The following ROR1 variants were observed in gnomAD, a reference collection of about 807,000 sequenced individuals.
ROR1 encodes the protein ROR family WNT receptor 1.
In ROR1, 19 loss-of-function variants were observed where a neutral mutation model predicts 78.8. The observed-to-expected ratio is 0.24, with a 90% CI of 0.17 to 0.35. The LOEUF is 0.35. Among genes scored for constraint, ROR1 ranks in the 10% least tolerant of loss-of-function variants. ROR1 has a pLI of 1.00. For missense variants in ROR1, 917 were observed against 1,177.8 expected (o/e 0.78, Z 3.24); for synonymous variants, 386 against 433.6 (o/e 0.89, Z 1.36).
intron 4 of ROR1, chr1:64,112,246 T>A (rs1438021288): frequency 6.6e-6 from 1 of 152,192 alleles, no homozygotes; most frequent in African/African-American, 2.4e-5. Context: ...CCATTGTGGG[T>A]GAGTGCTATT....
intron 1 of ROR1, among the ~76,000 whole-genome samples, chr1:63,965,454 C>G (rs1569986097): frequency 6.6e-6 from 1 of 152,254 alleles, no homozygotes; most frequent in African/African-American, 2.4e-5. Context: ...TCTCCCCAGA[C>G]ATTACATTTG....
At chr1:63,898,101 C>A (rs925268159) in intron 1 of ROR1, among the ~76,000 whole-genome samples, 2 of 152,138 alleles carry the variant, frequency 1.3e-5, no homozygotes, top group African/African-American at 4.8e-5. Context: ...TGGTCTCATC[C>A]CAGCAATAAT....
intron 2 of ROR1, among the ~76,000 whole-genome samples, chr1:64,034,922 C>A (rs1646689816): frequency 1.5e-5 from 2 of 132,556 alleles, no homozygotes; most frequent in Non-Finnish European, 3.2e-5. Context: ...AGGTAGATAC[C>A]TACCTTTCCA....
chr1:64,179,026 A>AT lies in ROR1; in HGVS notation c.*171_*172insT. On this transcript the variant is annotated 3_prime_UTR_variant, in exon 9 of 9. Transcript: ENST00000371079. ...CAAGCAGGACAGACACTCGGCCAGA[A>AT]AAAAAAAAAAAAAAAAAAAACAAGC... 1.3e-5 allele frequency: 1 copy of AT among 74,684 alleles called. No individual in the cohort carries two copies. The highest frequency in any genetic ancestry group is 2.1e-5 in the Non-Finnish European group (1 of 47,326). The allele number at this position is 74,684 out of a possible 1,614,324, so 4.6% of individuals were successfully genotyped here.
chr1:64,104,012 C>T (rs186365942), intron 4 of ROR1, among the ~76,000 whole-genome samples: 3 of 152,218 alleles, frequency 2.0e-5, no homozygotes, highest in East Asian at 1.9e-4. Flanking sequence ...TGCTAAATAT[C>T]GTACAGTGCA....
intron 1 of ROR1, among the ~76,000 whole-genome samples, chr1:63,858,632 T>C (rs1645162222): frequency 6.6e-6 from 1 of 152,210 alleles, no homozygotes; most frequent in South Asian, 2.1e-4. Context: ...TTAAATCTGA[T>C]GATAGTGTTG....
At chr1:64,142,307 A>G in intron 6 of ROR1, 98 bp from the exon 7 acceptor site, 2 of 1,524,792 alleles carry the variant, frequency 1.3e-6, no homozygotes, top group South Asian at 1.3e-5. Context: ...CCACGAGGTT[A>G]ATTACCTGCC....
At chr1:63,781,702 A>C (rs1480719612) in intron 1 of ROR1, among the ~76,000 whole-genome samples, 1 of 152,246 alleles carries the variant, frequency 6.6e-6, no homozygotes, top group East Asian at 1.9e-4. Context: ...GAACACACTC[A>C]GACTGTGCAT....
chr1:64,102,383 G>A (rs1344712694), intron 4 of ROR1, among the ~76,000 whole-genome samples: 1 of 152,162 alleles, frequency 6.6e-6, no homozygotes, highest in African/African-American at 2.4e-5. Flanking sequence ...TGTAGACAGT[G>A]GAAGGGTGAG....
intron 1 of ROR1, among the ~76,000 whole-genome samples, chr1:63,991,795 G>A (rs1646298108): frequency 6.6e-6 from 1 of 152,166 alleles, no homozygotes; most frequent in South Asian, 2.1e-4. Context: ...CAACAAAGAA[G>A]GTAGCTATTA....
At chr1:63,870,026 C>T (rs1411576519) in intron 1 of ROR1, among the ~76,000 whole-genome samples, 4 of 152,174 alleles carry the variant, frequency 2.6e-5, no homozygotes, top group Admixed American at 2.6e-4. Context: ...AATATTACAA[C>T]AGAAACTGAA....
chr1:64,020,598 T>C (rs777662170), intron 2 of ROR1, among the ~76,000 whole-genome samples: 1 of 152,144 alleles, frequency 6.6e-6, no homozygotes, highest in Non-Finnish European at 1.5e-5. Context: ...TAGGATCAGA[T>C]CCATCCTAGG....
chr1:63,988,230 G>A (rs1202285315), intron 1 of ROR1, among the ~76,000 whole-genome samples: 1 of 152,176 alleles, frequency 6.6e-6, no homozygotes, highest in Non-Finnish European at 1.5e-5. Flanking sequence ...AGGCTGGGAA[G>A]CTCCAGGATA....
At chr1:63,815,120 T>G (rs1644882782) in intron 1 of ROR1, among the ~76,000 whole-genome samples, 1 of 152,174 alleles carries the variant, frequency 6.6e-6, no homozygotes, top group African/African-American at 2.4e-5. Context: ...GCACTATGAT[T>G]TGTGGTTGGT....
At chr1:63,866,608 C>A (rs1306008130) in intron 1 of ROR1, among the ~76,000 whole-genome samples, 1 of 150,604 alleles carries the variant, frequency 6.6e-6, no homozygotes, top group Non-Finnish European at 1.5e-5. Flanking sequence ...GGGACCTAGC[C>A]TTTTTTTTTG....
chr1:63,852,594 A>G (rs888214460), intron 1 of ROR1, among the ~76,000 whole-genome samples: 1 of 152,248 alleles, frequency 6.6e-6, no homozygotes. Flanking sequence ...GTCTTATATG[A>G]TACAAATTAA....
At chr1:64,059,619 G>A (rs920016565) in intron 4 of ROR1, among the ~76,000 whole-genome samples, 1 of 149,386 alleles carries the variant, frequency 6.7e-6, no homozygotes, top group Admixed American at 6.8e-5. Context: ...TGAGGCAGGA[G>A]AATATCTTGA....
intron 2 of ROR1, among the ~76,000 whole-genome samples, chr1:64,026,291 G>A (rs1646608975): frequency 6.6e-6 from 1 of 152,094 alleles, no homozygotes; most frequent in Non-Finnish European, 1.5e-5. Context: ...TGATCACTTT[G>A]AGCTATAGTT....
intron 1 of ROR1, among the ~76,000 whole-genome samples, chr1:63,840,810 A>T: frequency 6.6e-6 from 1 of 152,146 alleles, no homozygotes; most frequent in East Asian, 1.9e-4. Context: ...AACCGGAGTA[A>T]GTTACTTGAC....
Sources: allele counts gnomAD v4.1 joint callset (sites outside exome capture counted in the v4.1 genomes callset), GRCh38; gene constraint gnomAD v4.1.1; transcripts MANE v1.5; gene names NCBI Gene and HGNC (gene_info 2026-07-23, HGNC 2026-07-21).